ASCC3: variants seen among roughly 807,000 people sequenced by gnomAD.
The protein encoded by ASCC3 is activating signal cointegrator 1 complex subunit 3, also known as ASC-1 complex subunit P200.
ASCC3 carries 158 observed loss-of-function variants against 256.3 expected under a neutral mutation model. That is an observed-to-expected ratio of 0.62 (90% CI 0.54 to 0.70). The LOEUF (loss-of-function observed/expected upper bound fraction) is 0.70, where lower values mean the gene tolerates loss of function less well. Ranked by LOEUF, ASCC3 falls within the 30% of genes least tolerant of loss-of-function variation. ASCC3 has a pLI of 0.00. For missense variants in ASCC3, 2,259 were observed against 2,626.0 expected (o/e 0.86, Z 3.05); for synonymous variants, 948 against 883.4 (o/e 1.07, Z -1.30).
At chr6:100,831,239 G>C (rs551976095) in intron 4 of ASCC3, among the ~76,000 whole-genome samples, 1 of 151,386 alleles carries the variant, frequency 6.6e-6, no homozygotes, top group African/African-American at 2.4e-5. Flanking sequence ...AGAGAAAAAG[G>C]AGGATGCCTG....
intron 13 of ASCC3, among the ~76,000 whole-genome samples, chr6:100,708,822 A>C (rs1419675238): frequency 6.6e-6 from 1 of 152,198 alleles, no homozygotes; most frequent in Non-Finnish European, 1.5e-5. Context: ...ACAGTGTCAC[A>C]GTATAAAACA....
At chr6:100,595,972 A>G (rs569161709) in intron 34 of ASCC3, among the ~76,000 whole-genome samples, 2 of 152,244 alleles carry the variant, frequency 1.3e-5, no homozygotes, top group Admixed American at 6.5e-5. Context: ...ATTTTTAAGC[A>G]TTCACATTTT....
intron 13 of ASCC3, among the ~76,000 whole-genome samples, chr6:100,696,608 C>A (rs1778094068): frequency 6.6e-6 from 1 of 151,830 alleles, no homozygotes; most frequent in Non-Finnish European, 1.5e-5. Flanking sequence ...TCTAATAATA[C>A]AATGTAAAAT....
intron 14 of ASCC3, among the ~76,000 whole-genome samples, chr6:100,669,998 C>T (rs189573530): frequency 2.6e-5 from 4 of 151,710 alleles, no homozygotes; most frequent in African/African-American, 9.6e-5. Flanking sequence ...TACGGAATTT[C>T]TACATGGTAA....
intron 14 of ASCC3, among the ~76,000 whole-genome samples, chr6:100,677,557 T>C (rs1216524001): frequency 6.6e-6 from 1 of 152,096 alleles, no homozygotes; most frequent in Admixed American, 6.5e-5. Flanking sequence ...ATAAGAATCT[T>C]AAAGGACAGC....
intron 4 of ASCC3, among the ~76,000 whole-genome samples, chr6:100,812,588 A>G (rs946812210): frequency 2.0e-5 from 3 of 152,210 alleles, no homozygotes; most frequent in Admixed American, 6.5e-5. Flanking sequence ...AACTGTCAGA[A>G]GAAATAATCA....
chr6:100,848,445 T>C lies in ASCC3; in HGVS notation c.504A>G (p.Ala168=), dbSNP rs766292163. The C allele has an allele frequency of 1.7e-5, 27 of 1,611,150 alleles. 1 individual carries two copies. In the Admixed American group the frequency reaches 2.4e-4, roughly 14 times the overall value. Residue 168 remains alanine (A), a synonymous_variant, in exon 4 of 42, where the codon GCA becomes GCG. Transcript: ENST00000369162. ...GDRVFFGKNL[A]FSFDMHDLDH... is the part of the protein sequence containing the mutation. ...CCAAATCATGCATGTCAAATGAAAA[T>C]GCTAAATTTTTACCAAAAAAAACCC...
At chr6:100,823,387 A>G (rs1335969057) in intron 4 of ASCC3, among the ~76,000 whole-genome samples, 1 of 152,252 alleles carries the variant, frequency 6.6e-6, no homozygotes, top group East Asian at 1.9e-4. Context: ...CTGCGGGTAT[A>G]GAAACAGACT....
chr6:100,694,125 T>A (rs1777964819), intron 13 of ASCC3, among the ~76,000 whole-genome samples: 1 of 151,988 alleles, frequency 6.6e-6, no homozygotes. Context: ...ATCCCTTTCA[T>A]TTTCCTGAAT....
At chr6:100,581,976 G>A (rs1433173683) in intron 36 of ASCC3, among the ~76,000 whole-genome samples, 1 of 152,062 alleles carries the variant, frequency 6.6e-6, no homozygotes, top group Non-Finnish European at 1.5e-5. Flanking sequence ...ATGCTGTTTT[G>A]GTTACTGTAG....
chr6:100,659,747 C>T (rs1776095864), intron 16 of ASCC3, among the ~76,000 whole-genome samples: 2 of 151,418 alleles, frequency 1.3e-5, no homozygotes, highest in South Asian at 2.1e-4. Flanking sequence ...GTTTATTTTA[C>T]CAATTACAAA....
At position 100,606,952 on chromosome 6, in the gene ASCC3, T is replaced by C. The variant is rs1197174657; in HGVS notation, c.4922A>G (p.Gln1641Arg). ...VEELFVNCKV[Q>R]VLIATSTLAW... ...TGTTCACTGGAGAAAAAAAAGTACC[T>C]GAACTTTACAGTTTACAAATAGTTC... Residue 1641 changes from glutamine (Q) to arginine (R), a missense_variant and splice_region_variant, in exon 31 of 42, where the codon CAG becomes CGG. This residue lies in a region of ASCC3 where 1,839 missense variants were observed against 2,206.7 expected (regional missense o/e 0.83). Coordinates refer to ENST00000369162, the MANE Select transcript of ASCC3 (RefSeq NM_006828.4). The C allele has an allele frequency of 1.2e-6, 2 of 1,613,414 alleles. No homozygotes were observed. Among genetic ancestry groups the C allele is most frequent in the Non-Finnish European group, 8.5e-7 (1 of 1,179,642 alleles).
chr6:100,524,158 A>C (rs777685564), intron 37 of ASCC3, among the ~76,000 whole-genome samples: 1 of 152,104 alleles, frequency 6.6e-6, no homozygotes, highest in Non-Finnish European at 1.5e-5. Context: ...TGCTCATTAC[A>C]CTGTATTCTA....
rs536987087 is a variant in ASCC3, at chr6:100,862,741, TAAAC to T, written c.241+1319_241+1322del. Among the ~76,000 whole-genome samples the T allele has an allele frequency of 1.3e-4, 20 of 152,278 alleles. 1 individual carries two copies. In the South Asian group the frequency reaches 3.7e-3, roughly 28 times the overall value. ...CATGAAACTTACATCAGAGTGATAA[TAAAC>T]AAGTAAAATGTCAGACAATAATACA... On this transcript the variant is annotated intron_variant, in intron 3 of 41. Transcript: ENST00000369162.
chr6:100,647,335 C>G lies in ASCC3; in HGVS notation c.3369G>C (p.Trp1123Cys). Residue 1123 changes from tryptophan to cysteine, a missense_variant, in exon 21 of 42, where the codon TGG (tryptophan) becomes TGC (cysteine). By Grantham distance (215) the Trp-to-Cys change is radical. Coordinates refer to ENST00000369162, the MANE Select transcript of ASCC3 (RefSeq NM_006828.4). The stretch of plus-strand genomic sequence containing the variant: ...TTGAAAATTGTCTCAAAGGGCTAGC[C>G]CAACCCCAAAGCCTCTTGTCAATGA... The part of the protein sequence containing the change: ...SKVIDKRLWG[W>C]ASPLRQFSIL... The G allele has an allele frequency of 5.0e-6, 8 of 1,613,858 alleles. No homozygotes were observed. Among genetic ancestry groups the G allele is most frequent in the Non-Finnish European group, 6.8e-6 (8 of 1,179,926 alleles).
chr6:100,660,034 A>T (rs941644885), intron 16 of ASCC3, among the ~76,000 whole-genome samples: 1 of 151,584 alleles, frequency 6.6e-6, no homozygotes, highest in Non-Finnish European at 1.5e-5. Context: ...TGAAAGAACC[A>T]TGCCTTTTAC....
At chr6:100,659,728 C>T (rs1050115166) in intron 16 of ASCC3, among the ~76,000 whole-genome samples, 3 of 151,374 alleles carry the variant, frequency 2.0e-5, no homozygotes, top group African/African-American at 7.3e-5. Flanking sequence ...TATAATATTG[C>T]CAACTTGTGT....
At position 100,512,749 on chromosome 6, in the gene ASCC3, A is replaced by G. The variant is rs1562083788; in HGVS notation, c.6245T>C (p.Leu2082Pro). 1 of 1,614,118 alleles carries G rather than the reference A, an allele frequency of 6.2e-7. No homozygotes were observed. The highest frequency in any genetic ancestry group is 1.7e-5 in the Admixed American group (1 of 60,022). The change falls in exon 40 of 42, where the codon CTT becomes CCT. Residue 2082 changes from leucine to proline, a missense_variant. Physicochemically the swap from Leu to Pro is moderately conservative, Grantham distance 98. Coordinates refer to ENST00000369162, the MANE Select transcript of ASCC3 (RefSeq NM_006828.4). ...GTGGACTCTCTGCAAGCTCACTTGA[A>G]GCACATACTCTTGGTCAGCATGCAA... Reference protein sequence around the residue: ...IKLHADQEYVLQVSLQRVHFG... With the variant: ...IKLHADQEYVPQVSLQRVHFG...
intron 10 of ASCC3, among the ~76,000 whole-genome samples, chr6:100,732,092 C>T (rs984679770): frequency 4.2e-5 from 6 of 142,712 alleles, no homozygotes; most frequent in Admixed American, 7.5e-5. Flanking sequence ...ACCCGGGAGG[C>T]GGGGGTTGCA....
Sources: allele counts gnomAD v4.1 joint callset (sites outside exome capture counted in the v4.1 genomes callset), GRCh38; gene constraint gnomAD v4.1.1; regional missense constraint gnomAD v4.1.1; transcripts MANE v1.5; gene names NCBI Gene and HGNC (gene_info 2026-07-23, HGNC 2026-07-21).